The following NXPH1 variants were observed in gnomAD, a reference collection of about 807,000 sequenced individuals.
NXPH1 encodes the protein neurexophilin 1.
In NXPH1, 5 loss-of-function variants were observed where a neutral mutation model predicts 23.7. The ratio of observed to expected loss-of-function variants is 0.21; its 90% CI spans 0.11 to 0.44. NXPH1 has a LOEUF of 0.44. Ranked by LOEUF, NXPH1 falls within the 20% of genes least tolerant of loss-of-function variation. The pLI is 0.99. For synonymous variants in NXPH1, 144 were observed against 122.2 expected (o/e 1.18, Z -1.18); for missense variants, 324 against 321.6 (o/e 1.01, Z -0.06).
At chr7:8,658,283 C>T (rs553407889) in intron 2 of NXPH1, among the ~76,000 whole-genome samples, 26 of 152,282 alleles carry the variant, frequency 1.7e-4, no homozygotes, top group Middle Eastern at 3.4e-3. Context: ...ATGTTTTATT[C>T]TTTTTATCTT....
At position 8,507,137 on chromosome 7, in the gene NXPH1, G is replaced by T. The variant is rs529312818; in HGVS notation, c.54+71370G>T. 1.3e-5 allele frequency among the ~76,000 whole-genome samples: 2 copies of T among 151,832 alleles called. 1 individual carries two copies. Among genetic ancestry groups the T allele is most frequent in the African/African-American group, 4.9e-5 (2 of 41,210 alleles). On this transcript the variant is annotated intron_variant, in intron 2 of 2. Coordinates refer to ENST00000405863, the MANE Select transcript of NXPH1 (RefSeq NM_152745.3). ...CTGGAGAGAGGTGGGTGCAGAAGAA[G>T]CAGATTTAAGGGATGAAATTGATTG... is the stretch of plus-strand genomic sequence containing the variant.
intron 2 of NXPH1, among the ~76,000 whole-genome samples, chr7:8,672,833 C>A (rs1229348979): frequency 6.6e-6 from 1 of 152,178 alleles, no homozygotes; most frequent in East Asian, 1.9e-4. Context: ...GCTCTGCCAT[C>A]TCTTTCCTCA....
chr7:8,557,678 G>GT (rs1341509473), intron 2 of NXPH1, among the ~76,000 whole-genome samples: 10 of 151,634 alleles, frequency 6.6e-5, no homozygotes, highest in Non-Finnish European at 1.5e-4. Flanking sequence ...AACTGGTGCA[G>GT]TAAAAACATT....
chr7:8,557,157 A>C (rs997993751), intron 2 of NXPH1, among the ~76,000 whole-genome samples: 1 of 151,688 alleles, frequency 6.6e-6, no homozygotes, highest in Non-Finnish European at 1.5e-5. Context: ...GTTTGGGTCC[A>C]TACATGTGCT....
At chr7:8,697,395 C>T (rs185024908) in intron 2 of NXPH1, among the ~76,000 whole-genome samples, 1 of 152,168 alleles carries the variant, frequency 6.6e-6, no homozygotes, top group East Asian at 1.9e-4. Context: ...AGTTAGGTGT[C>T]CTATGAAATG....
intron 2 of NXPH1, among the ~76,000 whole-genome samples, chr7:8,737,857 G>A (rs892760110): frequency 3.3e-5 from 5 of 151,812 alleles, no homozygotes; most frequent in African/African-American, 1.2e-4. Context: ...CTCTAATCTT[G>A]TCTTCACACT....
chr7:8,676,700 T>C (rs1820958821), intron 2 of NXPH1, among the ~76,000 whole-genome samples: 1 of 152,170 alleles, frequency 6.6e-6, no homozygotes, highest in Non-Finnish European at 1.5e-5. Flanking sequence ...GTAGGAATAT[T>C]AGTAAGTTGC....
intron 2 of NXPH1, among the ~76,000 whole-genome samples, chr7:8,679,748 C>G (rs57870426): frequency 0.035 from 5,381 of 152,322 alleles, 308 homozygotes; most frequent in African/African-American, 0.12. Flanking sequence ...CTAGGCTGGG[C>G]GCAGTGGCTC....
At chr7:8,556,160 T>A (rs1300395204) in intron 2 of NXPH1, among the ~76,000 whole-genome samples, 1 of 151,582 alleles carries the variant, frequency 6.6e-6, no homozygotes, top group African/African-American at 2.4e-5. Context: ...AGTATCTTTA[T>A]AATGGGCCCC....
chr7:8,710,080 A>C (rs1469306902), intron 2 of NXPH1, among the ~76,000 whole-genome samples: 1 of 152,228 alleles, frequency 6.6e-6, no homozygotes, highest in Non-Finnish European at 1.5e-5. Context: ...GAATTGAATA[A>C]TTAGGCAGTA....
rs1428651138 is a variant in NXPH1, at chr7:8,731,032, G to A, written c.55-19976G>A. Reference sequence around the variant, plus strand: ...TAGTTCCATATTTCTTGGAGGCTTTGCTCTTTTCTTTTTATTGTTTTTTCT... The same window carrying A: ...TAGTTCCATATTTCTTGGAGGCTTTACTCTTTTCTTTTTATTGTTTTTTCT... On this transcript the variant is annotated intron_variant, in intron 2 of 2. Coordinates refer to ENST00000405863, the MANE Select transcript of NXPH1 (RefSeq NM_152745.3). 2.1e-5 allele frequency among the ~76,000 whole-genome samples: 3 copies of A among 143,660 alleles called. 1 individual carries two copies. Among genetic ancestry groups the A allele is most frequent in the African/African-American group, 8.0e-5 (3 of 37,552 alleles). The allele number at this position is 143,660 out of a possible 152,430, so 94.2% of individuals were successfully genotyped here. A position where few individuals can be genotyped will look rare whatever the true frequency, so the allele number is the denominator to read the frequency against.
intron 2 of NXPH1, among the ~76,000 whole-genome samples, chr7:8,658,748 A>T (rs1414297224): frequency 1.3e-5 from 2 of 152,084 alleles, no homozygotes; most frequent in Non-Finnish European, 1.5e-5. Flanking sequence ...GGTTGCTTAC[A>T]CTCTAGTAGA....
intron 2 of NXPH1, among the ~76,000 whole-genome samples, chr7:8,560,376 C>G (rs1443573565): frequency 6.6e-6 from 1 of 151,596 alleles, no homozygotes; most frequent in African/African-American, 2.4e-5. Flanking sequence ...CACTCTAATT[C>G]TAGAAAAAAG....
chr7:8,598,432 T>C (rs1819277584), intron 2 of NXPH1, among the ~76,000 whole-genome samples: 2 of 152,138 alleles, frequency 1.3e-5, no homozygotes, highest in South Asian at 4.1e-4. Context: ...CCTTCCTTGG[T>C]GGTGGAGTTG....
intron 2 of NXPH1, among the ~76,000 whole-genome samples, chr7:8,725,362 C>T (rs1348453604): frequency 2.6e-5 from 4 of 151,888 alleles, no homozygotes; most frequent in Admixed American, 6.6e-5. Context: ...TGGTGGTGGG[C>T]GCCTGTAGTC....
At chr7:8,718,192 A>G (rs1024174379) in intron 2 of NXPH1, among the ~76,000 whole-genome samples, 2 of 152,178 alleles carry the variant, frequency 1.3e-5, no homozygotes, top group Non-Finnish European at 2.9e-5. Flanking sequence ...TTCTTTGAAC[A>G]TATTATATGT....
At chr7:8,687,412 C>G (rs946488592) in intron 2 of NXPH1, among the ~76,000 whole-genome samples, 4 of 151,940 alleles carry the variant, frequency 2.6e-5, no homozygotes, top group African/African-American at 9.7e-5. Context: ...TAATTTTTTC[C>G]CATTTGATAT....
At chr7:8,511,219 A>G (rs1364111125) in intron 2 of NXPH1, among the ~76,000 whole-genome samples, 2 of 152,114 alleles carry the variant, frequency 1.3e-5, no homozygotes, top group East Asian at 3.9e-4. Flanking sequence ...GGCATTACTC[A>G]TATCTCATTT....
At chr7:8,729,140 G>T (rs991149903) in intron 2 of NXPH1, among the ~76,000 whole-genome samples, 2 of 151,972 alleles carry the variant, frequency 1.3e-5, no homozygotes, top group African/African-American at 2.4e-5. Flanking sequence ...GGTGTTTATA[G>T]TATTCTCTGA....
Sources: gnomAD v4.1 joint callset for allele counts (sites outside exome capture counted in the v4.1 genomes callset) on GRCh38, gnomAD v4.1.1 for gene constraint, MANE v1.5 for transcripts, NCBI Gene and HGNC (gene_info 2026-07-23, HGNC 2026-07-21) for gene names.